Variants in TMLHE observed in about 807,000 individuals in gnomAD.
TMLHE encodes the protein trimethyllysine hydroxylase, epsilon.
A neutral mutation model predicts 25.7 loss-of-function variants in TMLHE; 18 were observed. That is an observed-to-expected ratio of 0.70 (90% CI 0.48 to 1.04). TMLHE has a LOEUF of 1.04. Among genes scored for constraint, TMLHE ranks in the 50% least tolerant of loss-of-function variants. The probability of loss-of-function intolerance (pLI) is 0.00; values close to 1 mark genes in which losing one functional copy is unlikely to be tolerated. For synonymous variants in TMLHE, 105 were observed against 97.0 expected (o/e 1.08, Z -0.49); for missense variants, 236 against 259.0 (o/e 0.91, Z 0.61).
chrX:155,563,357 T>G lies in TMLHE; in HGVS notation c.-1-18080A>C, dbSNP rs782631742. Among the ~76,000 whole-genome samples, 58 of 62,085 alleles carry G rather than the reference T, an allele frequency of 9.3e-4. 6 individuals carry two copies. Among genetic ancestry groups the G allele is most frequent in the African/African-American group, 2.0e-3 (56 of 27,975 alleles). The allele number at this position is 62,085 out of a possible 115,157, so 53.9% of individuals were successfully genotyped here. On this transcript the variant is annotated intron_variant, in intron 1 of 7. Transcript: ENST00000334398. Reference sequence around the variant, plus strand: ...TTCCACACTTTTAGGCCATCAGATCTCCTGAGAATTCACTCACAATCATGA... The same window carrying G: ...TTCCACACTTTTAGGCCATCAGATCGCCTGAGAATTCACTCACAATCATGA...
intron 1 of TMLHE, among the ~76,000 whole-genome samples, chrX:155,579,691 G>T (rs1165184344): frequency 9.0e-6 from 1 of 110,809 alleles, no homozygotes; most frequent in Non-Finnish European, 1.9e-5. Context: ...CCCACCTCTA[G>T]CAGTCCCCAG....
At chrX:155,536,720 G>A (rs1160039679) in intron 2 of TMLHE, among the ~76,000 whole-genome samples, 2 of 111,629 alleles carry the variant, frequency 1.8e-5, no homozygotes, top group African/African-American at 3.3e-5. Context: ...TTTCCTCTTT[G>A]AAATTAAATA....
intron 3 of TMLHE, among the ~76,000 whole-genome samples, chrX:155,522,900 A>G (rs2067197055): frequency 9.1e-6 from 1 of 110,219 alleles, no homozygotes; most frequent in African/African-American, 3.3e-5. Context: ...TCTGGGTTGC[A>G]TGTTTAGTTT....
intron 1 of TMLHE, among the ~76,000 whole-genome samples, chrX:155,603,106 A>G (rs781990754): frequency 2.0e-3 from 227 of 111,785 alleles, no homozygotes; most frequent in African/African-American, 7.2e-3. Context: ...AGGCAGGAGG[A>G]TAGCTTAAGC....
chrX:155,583,922 C>T (rs961098100), intron 1 of TMLHE, among the ~76,000 whole-genome samples: 2 of 110,915 alleles, frequency 1.8e-5, no homozygotes, highest in Non-Finnish European at 3.8e-5. Context: ...ATCCACATAA[C>T]AAAACTACAC....
At chrX:155,511,586 G>T (rs1557333580) in intron 5 of TMLHE, 87 bp downstream of exon 5, 4 of 954,055 alleles carry the variant, frequency 4.2e-6, no homozygotes, top group Non-Finnish European at 5.6e-6. Context: ...ATATGATCTT[G>T]GTTCGAACAG....
intron 1 of TMLHE, among the ~76,000 whole-genome samples, chrX:155,588,835 C>A (rs1420272897): frequency 2.7e-5 from 3 of 111,372 alleles, no homozygotes; most frequent in African/African-American, 9.8e-5. Flanking sequence ...AACAAATGAA[C>A]AAATGTTGAT....
chrX:155,551,366 C>T, intron 1 of TMLHE, among the ~76,000 whole-genome samples: 1 of 71,149 alleles, frequency 1.4e-5, no homozygotes, highest in Non-Finnish European at 2.5e-5. Context: ...CCCCCTCCCC[C>T]CACCCCAAAT....
chrX:155,577,566 C>T (rs1277483395), intron 1 of TMLHE, among the ~76,000 whole-genome samples: 12 of 106,248 alleles, frequency 1.1e-4, no homozygotes, highest in Non-Finnish European at 2.3e-4. Context: ...GGCAACAAAG[C>T]GAGACTCTGT....
At chrX:155,507,167 T>C in intron 5 of TMLHE, 33 bp from the exon 6 acceptor site, 1 of 981,583 alleles carries the variant, frequency 1.0e-6, no homozygotes, top group Non-Finnish European at 1.4e-6. Flanking sequence ...TTCTGTTCAG[T>C]GGAAGAGAGA....
chrX:155,596,206 G>A (rs1433267358), intron 1 of TMLHE, among the ~76,000 whole-genome samples: 1 of 112,135 alleles, frequency 8.9e-6, no homozygotes, highest in Non-Finnish European at 1.9e-5. Flanking sequence ...ATAAACACCA[G>A]TTGTCAGTAT....
intron 1 of TMLHE, among the ~76,000 whole-genome samples, chrX:155,548,681 G>C (rs1254115132): frequency 3.7e-5 from 4 of 108,377 alleles, no homozygotes; most frequent in African/African-American, 1.0e-4. Context: ...GTTGCAGTGA[G>C]CTGAGATTGT....
chrX:155,556,807 C>T (rs1557340933), intron 1 of TMLHE, among the ~76,000 whole-genome samples: 1 of 110,970 alleles, frequency 9.0e-6, no homozygotes, highest in African/African-American at 3.3e-5. Flanking sequence ...GAGTTTATTT[C>T]ACCTCTGCAA....
chrX:155,582,819 T>C (rs1339103238), intron 1 of TMLHE, among the ~76,000 whole-genome samples: 2 of 112,374 alleles, frequency 1.8e-5, no homozygotes, highest in Non-Finnish European at 3.8e-5. Flanking sequence ...ATCCCATTAC[T>C]GGGTATATAC....
intron 3 of TMLHE, among the ~76,000 whole-genome samples, chrX:155,522,995 C>T (rs2067197641): frequency 9.0e-6 from 1 of 110,503 alleles, no homozygotes; most frequent in Non-Finnish European, 1.9e-5. Context: ...TAGAATTTCT[C>T]TGCATCTTCT....
intron 1 of TMLHE, among the ~76,000 whole-genome samples, chrX:155,548,730 G>C (rs1304967710): frequency 2.0e-5 from 2 of 100,797 alleles, no homozygotes; most frequent in Non-Finnish European, 3.9e-5. Flanking sequence ...GTGAGACTCT[G>C]TCTCAAAAAA....
At chrX:155,521,925 A>G (rs1055468580) in intron 3 of TMLHE, among the ~76,000 whole-genome samples, 2 of 95,687 alleles carry the variant, frequency 2.1e-5, no homozygotes, top group Admixed American at 2.3e-4. Context: ...ACTGTCTGGC[A>G]CTCCCTAGTG....
At chrX:155,592,173 G>T (rs2067697010) in intron 1 of TMLHE, among the ~76,000 whole-genome samples, 1 of 111,763 alleles carries the variant, frequency 8.9e-6, no homozygotes, top group African/African-American at 3.3e-5. Context: ...AGAATAAACT[G>T]GTGCTTCTGA....
intron 5 of TMLHE, among the ~76,000 whole-genome samples, chrX:155,509,882 C>T (rs1342128854): frequency 8.9e-6 from 1 of 111,739 alleles, no homozygotes; most frequent in Admixed American, 9.5e-5. Context: ...CACAGAGGTG[C>T]CTCTACTGAA....
Sources: gnomAD v4.1 joint callset for allele counts (sites outside exome capture counted in the v4.1 genomes callset) on GRCh38, gnomAD v4.1.1 for gene constraint, MANE v1.5 for transcripts, NCBI Gene and HGNC (gene_info 2026-07-23, HGNC 2026-07-21) for gene names.